The following GFRA1 variants were observed in gnomAD, a reference collection of about 807,000 sequenced individuals.
GFRA1 encodes the protein GDNF family receptor alpha-1.
In GFRA1, 16 loss-of-function variants were observed where a neutral mutation model predicts 51.6. The observed-to-expected ratio is 0.31, with a 90% CI of 0.21 to 0.47. The LOEUF (loss-of-function observed/expected upper bound fraction) is 0.47. GFRA1 is among the 20% of genes least tolerant of loss of function. The pLI is 1.00. For synonymous variants in GFRA1, 270 were observed against 241.3 expected (o/e 1.12, Z -1.10); for missense variants, 530 against 594.3 (o/e 0.89, Z 1.13).
intron 5 of GFRA1, among the ~76,000 whole-genome samples, chr10:116,209,601 C>T (rs567714258): frequency 3.3e-5 from 5 of 152,068 alleles, no homozygotes; most frequent in African/African-American, 9.6e-5. Flanking sequence ...GAAGCTAAGT[C>T]GTTTTCTGCT....
chr10:116,125,847 C>T (rs941440662), intron 5 of GFRA1, among the ~76,000 whole-genome samples: 4 of 152,086 alleles, frequency 2.6e-5, no homozygotes, highest in African/African-American at 9.7e-5. Context: ...GCAAATGAGG[C>T]AACAGGAGAA....
intron 5 of GFRA1, among the ~76,000 whole-genome samples, chr10:116,177,878 A>T (rs554245910): frequency 6.6e-6 from 1 of 152,268 alleles, no homozygotes; most frequent in South Asian, 2.1e-4. Flanking sequence ...ATGTGCCATG[A>T]AAGTGTCCAC....
chr10:116,235,165 C>G (rs1966852823), intron 4 of GFRA1, among the ~76,000 whole-genome samples: 1 of 152,148 alleles, frequency 6.6e-6, no homozygotes, highest in Non-Finnish European at 1.5e-5. Context: ...ATATCTGTGC[C>G]TCTCTCAGCG....
chr10:116,221,402 C>A (rs1022382638), intron 4 of GFRA1, among the ~76,000 whole-genome samples: 1 of 152,166 alleles, frequency 6.6e-6, no homozygotes, highest in Non-Finnish European at 1.5e-5. Context: ...TAAGACACCC[C>A]AGAGAGAGAA....
chr10:116,062,414 T>G lies in GFRA1; in HGVS notation c.*1984A>C, dbSNP rs1197829955. On this transcript the variant is annotated 3_prime_UTR_variant, in exon 11 of 11. Transcript: ENST00000355422. ...CAGTTGGGTGTCTGCTGAATTTCCCTTGAAAACATTTTGAAGTGAAAAAAG... is the reference window on the plus strand; with the variant it reads ...CAGTTGGGTGTCTGCTGAATTTCCCGTGAAAACATTTTGAAGTGAAAAAAG... 1 of 303,318 alleles carries G rather than the reference T, an allele frequency of 3.3e-6. No homozygotes were observed. The highest frequency in any genetic ancestry group is 2.1e-5 in the African/African-American group (1 of 46,598). 18.8% of individuals were successfully genotyped at this position (303,318 alleles called of 1,614,324 possible). A position where few individuals can be genotyped will look rare whatever the true frequency, so the allele number is the denominator to read the frequency against.
chr10:116,274,146 C>G (rs1208253022), upstream of GFRA1, among the ~76,000 whole-genome samples: 2 of 152,124 alleles, frequency 1.3e-5, no homozygotes, highest in East Asian at 3.9e-4. Flanking sequence ...CCGCTGGTTC[C>G]CAGTCGTGCT....
chr10:116,099,912 A>G (rs903449282), intron 6 of GFRA1, among the ~76,000 whole-genome samples: 2 of 152,230 alleles, frequency 1.3e-5, no homozygotes, highest in Admixed American at 6.5e-5. Context: ...TGACAGCAAA[A>G]TAATTGTTAT....
At position 116,065,641 on chromosome 10, in the gene GFRA1, G is replaced by GA. The variant is rs570225661; in HGVS notation, c.1198-16dup. 5,650 of 1,606,744 alleles carry GA rather than the reference G, an allele frequency of 3.5e-3. 13 individuals carry two copies. The highest frequency in any genetic ancestry group is 4.4e-3 in the Non-Finnish European group (5,122 of 1,174,388). ...AGCTTCTGTGCCTGGAGAGGGACAA[G>GA]AAAAAAAATGCTCAAACATAATACA... On this transcript the variant is annotated splice_polypyrimidine_tract_variant and intron_variant, in intron 9 of 10. Coordinates refer to ENST00000355422, the MANE Select transcript of GFRA1 (RefSeq NM_005264.8).
In GFRA1 at chr10:116,080,730, T is replaced by A. The variant is rs188035114; in HGVS notation, c.1197+9011A>T. Among the ~76,000 whole-genome samples the A allele has an allele frequency of 5.3e-5, 8 of 152,154 alleles. No individual in the cohort carries two copies. The South Asian group carries it at 8.3e-4, about 16-fold the overall frequency. On this transcript the variant is annotated intron_variant, in intron 9 of 10. Coordinates refer to ENST00000355422, the MANE Select transcript of GFRA1 (RefSeq NM_005264.8). ...AGTAATGGGATGACTCAGGATTAGGTCAGGTTACCACAAAGACCAACCATG... is the reference window on the plus strand; with the variant it reads ...AGTAATGGGATGACTCAGGATTAGGACAGGTTACCACAAAGACCAACCATG...
intron 5 of GFRA1, among the ~76,000 whole-genome samples, chr10:116,157,387 A>T (rs1959255994): frequency 6.6e-6 from 1 of 152,190 alleles, no homozygotes; most frequent in Non-Finnish European, 1.5e-5. Flanking sequence ...CTGTGGAACC[A>T]GCTGCTTGGC....
intron 6 of GFRA1, among the ~76,000 whole-genome samples, chr10:116,119,882 C>A (rs1214961753): frequency 1.3e-5 from 2 of 152,262 alleles, no homozygotes; most frequent in Non-Finnish European, 2.9e-5. Flanking sequence ...CAACTAACAA[C>A]ATTACATTTC....
At chr10:116,196,361 T>G (rs1963746878) in intron 5 of GFRA1, among the ~76,000 whole-genome samples, 1 of 150,424 alleles carries the variant, frequency 6.6e-6, no homozygotes, top group South Asian at 2.1e-4. Context: ...TGGTGGCAGG[T>G]GCCTGTAATC....
chr10:116,162,295 G>C (rs562246777), intron 5 of GFRA1, among the ~76,000 whole-genome samples: 3 of 152,332 alleles, frequency 2.0e-5, no homozygotes, highest in African/African-American at 7.2e-5. Context: ...GGGAGAAAGA[G>C]ACCAGAGATC....
At chr10:116,093,914 C>A in intron 7 of GFRA1, 78 bp from the exon 8 acceptor site, 1 of 1,375,596 alleles carries the variant, frequency 7.3e-7, no homozygotes, top group Admixed American at 1.7e-5. Flanking sequence ...CAATATTCCT[C>A]TGACGGCGGA....
chr10:116,135,287 T>C (rs1232417486), intron 5 of GFRA1, among the ~76,000 whole-genome samples: 3 of 152,182 alleles, frequency 2.0e-5, no homozygotes, highest in African/African-American at 7.2e-5. Context: ...TAATTATAAT[T>C]ACGGTGTATA....
intron 4 of GFRA1, among the ~76,000 whole-genome samples, chr10:116,227,294 T>C (rs1173900171): frequency 6.6e-6 from 1 of 152,188 alleles, no homozygotes. Flanking sequence ...AACTGTCAGG[T>C]TGCTTCTGTA....
At chr10:116,268,817 T>C (rs536404118) in intron 4 of GFRA1, among the ~76,000 whole-genome samples, 48 of 152,350 alleles carry the variant, frequency 3.2e-4, no homozygotes, top group African/African-American at 1.1e-3. Context: ...GCTGTCTGAA[T>C]GCAGATGTTA....
intron 5 of GFRA1, among the ~76,000 whole-genome samples, chr10:116,131,085 C>T (rs1488899068): frequency 6.6e-6 from 1 of 152,078 alleles, no homozygotes; most frequent in African/African-American, 2.4e-5. Context: ...AAGAAAACAA[C>T]CCAATTAAAC....
intron 5 of GFRA1, among the ~76,000 whole-genome samples, chr10:116,210,344 G>A (rs115302047): frequency 0.01 from 1,546 of 152,086 alleles, 27 homozygotes; most frequent in African/African-American, 0.035. Flanking sequence ...ATTCAGTGTG[G>A]GGTTGCTTAC....
Sources: gnomAD v4.1 joint callset for allele counts (sites outside exome capture counted in the v4.1 genomes callset) on GRCh38, gnomAD v4.1.1 for gene constraint, MANE v1.5 for transcripts, NCBI Gene and HGNC (gene_info 2026-07-23, HGNC 2026-07-21) for gene names.